The following SRPK2 variants were observed in gnomAD, a reference collection of about 807,000 sequenced individuals.
SRPK2 encodes the protein SRSF protein kinase 2.
SRPK2 carries 21 observed loss-of-function variants against 90.8 expected under a neutral mutation model. The ratio of observed to expected loss-of-function variants is 0.23; its 90% CI spans 0.16 to 0.33. The LOEUF is 0.33. SRPK2 is among the 10% of genes least tolerant of loss of function. The pLI, the probability that SRPK2 is intolerant of heterozygous loss-of-function variation, is 1.00. For synonymous variants in SRPK2, 288 were observed against 311.1 expected (o/e 0.93, Z 0.78); for missense variants, 620 against 869.0 (o/e 0.71, Z 3.60).
At chr7:105,290,880 T>A (rs1249280488) in intron 2 of SRPK2, among the ~76,000 whole-genome samples, 1 of 139,926 alleles carries the variant, frequency 7.1e-6, no homozygotes, top group Admixed American at 7.1e-5. Context: ...CTACTAAAAA[T>A]ACAAAAAATT....
In SRPK2 at chr7:105,117,985, G is replaced by A. The variant is rs767725026; in HGVS notation, c.1953C>T (p.Ser651=). The A allele has an allele frequency of 4.3e-6, 7 of 1,614,150 alleles. 1 individual carries two copies. In the South Asian group the frequency reaches 6.6e-5, roughly 15 times the overall value. ...ACTTTTCCACAAGTACATCAAAGAGGCTCCAGGGCTTCAGCTTGGTGATGT... is the reference window on the plus strand; with the variant it reads ...ACTTTTCCACAAGTACATCAAAGAGACTCCAGGGCTTCAGCTTGGTGATGT... ...LRHITKLKPW[S]LFDVLVEKYG... The change falls in exon 16 of 16, where the codon AGC becomes AGT. Residue 651 remains serine (S), a synonymous_variant. Transcript: ENST00000393651.
chr7:105,185,075 T>C (rs1175293227), intron 3 of SRPK2, among the ~76,000 whole-genome samples: 1 of 152,052 alleles, frequency 6.6e-6, no homozygotes, highest in Non-Finnish European at 1.5e-5. Flanking sequence ...TTCAAAAACT[T>C]TGGGCTCATT....
chr7:105,355,423 T>C (rs1250837521), intron 2 of SRPK2, among the ~76,000 whole-genome samples: 1 of 151,898 alleles, frequency 6.6e-6, no homozygotes, highest in Non-Finnish European at 1.5e-5. Context: ...GGCAGAAGGA[T>C]CATTTAAGCT....
At chr7:105,358,992 C>G (rs1234875670) in intron 2 of SRPK2, among the ~76,000 whole-genome samples, 2 of 151,634 alleles carry the variant, frequency 1.3e-5, no homozygotes, top group Non-Finnish European at 1.5e-5. Flanking sequence ...ACAACCAGTT[C>G]TCTGGAAACT....
chr7:105,276,951 C>G lies in SRPK2; in HGVS notation c.72-73166G>C, dbSNP rs530638859. On this transcript the variant is annotated intron_variant, in intron 2 of 15. Coordinates refer to ENST00000393651, the MANE Select transcript of SRPK2 (RefSeq NM_182692.3). ...ACTATTCTAGGGTTTCAACACCTCT[C>G]CCATCCTAACTCTACTTCTCCTGCC... Among the ~76,000 whole-genome samples the G allele has an allele frequency of 2.0e-5, 3 of 152,166 alleles. No individual in the cohort carries two copies. In the South Asian group the frequency reaches 6.2e-4, roughly 32 times the overall value.
intron 2 of SRPK2, among the ~76,000 whole-genome samples, chr7:105,376,539 T>C (rs1370509960): frequency 2.0e-5 from 3 of 151,598 alleles, no homozygotes; most frequent in Non-Finnish European, 4.4e-5. Context: ...TTTTTCTTTT[T>C]TTTTTTTGGT....
At chr7:105,210,780 A>AGAAGTG (rs1201192036) in intron 2 of SRPK2, among the ~76,000 whole-genome samples, 1 of 152,226 alleles carries the variant, frequency 6.6e-6, no homozygotes, top group Non-Finnish European at 1.5e-5. Flanking sequence ...GGCTGGTCAA[A>AGAAGTG]GAAGTGGAAG....
chr7:105,388,948 G>A, upstream of SRPK2: 1 of 1,174,514 alleles, frequency 8.5e-7, no homozygotes, highest in Non-Finnish European at 1.0e-6. Context: ...CGCCGCTCCA[G>A]CAGGGACCCA....
In SRPK2 at chr7:105,367,057, CTTTTTTTTTGTT is replaced by C. The variant is rs1018870111; in HGVS notation, c.71+21579_71+21590del. ...ATATGTAAGAAAAATATGAGATCAC[CTTTTTTTTTGTT>C]TTTTTTTTTGTTTGTTTGTTTGTTT... is the stretch of plus-strand genomic sequence containing the variant. On this transcript the variant is annotated intron_variant, in intron 2 of 15. Transcript: ENST00000393651. 2.8e-5 allele frequency among the ~76,000 whole-genome samples: 4 copies of C among 144,910 alleles called. No individual in the cohort carries two copies. In the East Asian group the frequency reaches 7.7e-4, roughly 28 times the overall value.
downstream of SRPK2, among the ~76,000 whole-genome samples, chr7:105,115,961 A>T (rs1799597648): frequency 6.6e-6 from 1 of 152,190 alleles, no homozygotes; most frequent in African/African-American, 2.4e-5. Context: ...CTCATTAGAA[A>T]AACTTAGCAT....
chr7:105,306,545 CCCTT>C (rs1811164405), intron 2 of SRPK2: 1 of 444,448 alleles, frequency 2.2e-6, no homozygotes, highest in African/African-American at 2.0e-5. Context: ...GAGTCTTCTA[CCCTT>C]GAAGCAGCAG....
intron 2 of SRPK2, among the ~76,000 whole-genome samples, chr7:105,332,526 G>T (rs1814547709): frequency 6.6e-6 from 1 of 152,172 alleles, no homozygotes; most frequent in Non-Finnish European, 1.5e-5. Flanking sequence ...CACTTTGTGA[G>T]GTCAAGGTGG....
chr7:105,385,902 T>G (rs1417107266), intron 2 of SRPK2, among the ~76,000 whole-genome samples: 1 of 152,228 alleles, frequency 6.6e-6, no homozygotes, highest in African/African-American at 2.4e-5. Flanking sequence ...TTACTTAACA[T>G]GTCCCATCTT....
intron 2 of SRPK2, chr7:105,306,401 C>G (rs539046119): frequency 2.4e-6 from 1 of 412,382 alleles, no homozygotes; most frequent in South Asian, 1.8e-5. Flanking sequence ...GTACGTATCA[C>G]TAGAACCAAG....
chr7:105,391,657 A>C (rs1822186505), upstream of SRPK2, among the ~76,000 whole-genome samples: 1 of 152,148 alleles, frequency 6.6e-6, no homozygotes, highest in Non-Finnish European at 1.5e-5. Flanking sequence ...CCTGGGCAAC[A>C]GAGTGAGACC....
intron 2 of SRPK2, among the ~76,000 whole-genome samples, chr7:105,235,817 A>T (rs963618054): frequency 6.6e-6 from 1 of 152,210 alleles, no homozygotes; most frequent in Non-Finnish European, 1.5e-5. Context: ...CATCACAAAG[A>T]ATTATTAGCT....
At chr7:105,367,758 T>C (rs955821412) in intron 2 of SRPK2, among the ~76,000 whole-genome samples, 51 of 152,326 alleles carry the variant, frequency 3.3e-4, no homozygotes, top group African/African-American at 1.2e-3. Flanking sequence ...CACACACATT[T>C]TGTGTACATT....
chr7:105,242,020 C>A (rs557413379), intron 2 of SRPK2, among the ~76,000 whole-genome samples: 1 of 152,102 alleles, frequency 6.6e-6, no homozygotes, highest in East Asian at 1.9e-4. Context: ...AAATTCAATA[C>A]ATATTTAAAA....
chr7:105,176,521 C>T (rs1387130691), intron 3 of SRPK2, among the ~76,000 whole-genome samples: 3 of 151,900 alleles, frequency 2.0e-5, no homozygotes, highest in African/African-American at 7.2e-5. Context: ...TCTTTATTCA[C>T]AGACAAGCCA....
Sources: gnomAD v4.1 joint callset for allele counts (sites outside exome capture counted in the v4.1 genomes callset) on GRCh38, gnomAD v4.1.1 for gene constraint, MANE v1.5 for transcripts, NCBI Gene and HGNC (gene_info 2026-07-23, HGNC 2026-07-21) for gene names.